EPB41: variants seen among roughly 807,000 people sequenced by gnomAD.
EPB41 encodes protein 4.1.
A neutral mutation model predicts 108.0 loss-of-function variants in EPB41; 65 were observed. The ratio of observed to expected loss-of-function variants is 0.60; its 90% CI spans 0.49 to 0.74. The LOEUF (loss-of-function observed/expected upper bound fraction) is 0.74. Ranked by LOEUF, EPB41 falls within the 30% of genes least tolerant of loss-of-function variation. EPB41 has a pLI of 0.00. For synonymous variants in EPB41, 336 were observed against 358.9 expected, an observed-to-expected ratio of 0.94 and a Z score of 0.72; for missense variants, 875 against 1,037.0, an observed-to-expected ratio of 0.84 and a Z score of 2.15.
At chr1:28,900,032 C>T (rs969121838) in intron 1 of EPB41, among the ~76,000 whole-genome samples, 2 of 152,048 alleles carry the variant, frequency 1.3e-5, no homozygotes, top group Non-Finnish European at 2.9e-5. Context: ...GTACTCAGTC[C>T]GTAGCTGACA....
chr1:29,088,088 A>C (rs1296564380), intron 16 of EPB41, among the ~76,000 whole-genome samples: 1 of 133,914 alleles, frequency 7.5e-6, no homozygotes, highest in Non-Finnish European at 1.5e-5. Flanking sequence ...CTCCTGTCGC[A>C]CAAGCTGGAG....
intron 1 of EPB41, among the ~76,000 whole-genome samples, chr1:28,918,193 A>T (rs2092821820): frequency 6.6e-6 from 1 of 152,074 alleles, no homozygotes. Context: ...CTGGGACTAC[A>T]GGCACACACC....
chr1:28,915,349 G>T (rs959416792), intron 1 of EPB41, among the ~76,000 whole-genome samples: 1 of 152,124 alleles, frequency 6.6e-6, no homozygotes, highest in Non-Finnish European at 1.5e-5. Flanking sequence ...TATTCTCTCA[G>T]CGTCGTGACC....
At chr1:29,003,907 C>T (rs1219668397) in intron 4 of EPB41, among the ~76,000 whole-genome samples, 1 of 152,098 alleles carries the variant, frequency 6.6e-6, no homozygotes, top group African/African-American at 2.4e-5. Context: ...GGATTACAGG[C>T]GCCCACCACC....
intron 1 of EPB41, among the ~76,000 whole-genome samples, chr1:28,903,792 G>A (rs1280636402): frequency 6.6e-6 from 1 of 152,140 alleles, no homozygotes; most frequent in South Asian, 2.1e-4. Flanking sequence ...GCCTGGACTC[G>A]CATAGCATCT....
At chr1:28,998,004 A>T (rs2096221034) in intron 4 of EPB41, among the ~76,000 whole-genome samples, 1 of 152,224 alleles carries the variant, frequency 6.6e-6, no homozygotes, top group South Asian at 2.1e-4. Flanking sequence ...GTCCAGTTTA[A>T]CAAGTATTTG....
Position 29,064,992 on chromosome 1 carries a change from A to T in EPB41, c.2018A>T (p.Lys673Met), listed in dbSNP as rs767844269. 10 of 1,613,970 alleles carry T rather than the reference A, an allele frequency of 6.2e-6. No individual in the cohort carries two copies. Among genetic ancestry groups the T allele is most frequent in the Admixed American group, 1.7e-5 (1 of 60,008 alleles). The part of the protein sequence containing the change: ...HSNLMLEDLD[K>M]SQEEIKKHHA... ...TCCTTTCAACTGTAGGATTTAGACA[A>T]GAGTCAAGAGGAGATCAAAAAACAT... Residue 673 changes from lysine to methionine, a missense_variant, in exon 16 of 21, where the codon AAG becomes ATG. By Grantham distance (95) the Lys-to-Met change is moderately conservative. Coordinates refer to ENST00000343067, the MANE Select transcript of EPB41 (RefSeq NM_001376013.1).
chr1:29,106,278 G>C (rs1225328813), intron 17 of EPB41, among the ~76,000 whole-genome samples: 2 of 152,126 alleles, frequency 1.3e-5, no homozygotes, highest in Non-Finnish European at 1.5e-5. Flanking sequence ...GGTAGATAAA[G>C]ATAGAGTCAC....
chr1:28,962,861 G>T (rs1415451440), intron 1 of EPB41, among the ~76,000 whole-genome samples: 1 of 152,054 alleles, frequency 6.6e-6, no homozygotes, highest in Admixed American at 6.6e-5. Context: ...TGGGTGTGGG[G>T]TTCTCTCTCA....
intron 1 of EPB41, chr1:28,891,146 T>A: frequency 5.1e-6 from 1 of 197,190 alleles, no homozygotes; most frequent in Non-Finnish European, 9.2e-6. Flanking sequence ...CTTGGGTATG[T>A]GGCCAACTTT....
intron 1 of EPB41, among the ~76,000 whole-genome samples, chr1:28,970,535 G>T (rs1168085147): frequency 6.6e-6 from 1 of 152,158 alleles, no homozygotes; most frequent in African/African-American, 2.4e-5. Flanking sequence ...AGCATTTTAT[G>T]TGTGGTTCTC....
At chr1:28,969,589 C>T (rs181630091) in intron 1 of EPB41, among the ~76,000 whole-genome samples, 1,605 of 151,036 alleles carry the variant, frequency 0.011, 16 homozygotes, top group Non-Finnish European at 0.019. Flanking sequence ...CACGGTGAAA[C>T]CCCGTCTGTA....
intron 5 of EPB41, 30 bp from the exon 6 acceptor site, chr1:29,015,662 C>T (rs748674481): frequency 1.6e-5 from 22 of 1,348,844 alleles, no homozygotes; most frequent in Admixed American, 1.0e-4. Context: ...TAGGTATAAA[C>T]GTAAAATTCT....
intron 1 of EPB41, among the ~76,000 whole-genome samples, chr1:28,922,741 C>T (rs762400351): frequency 2.0e-5 from 3 of 151,856 alleles, no homozygotes; most frequent in Non-Finnish European, 4.4e-5. Context: ...AATTCTTCTG[C>T]CTCAGCCTCC....
Position 29,058,859 on chromosome 1 carries a change from C to T in EPB41, c.1944+7C>T, listed in dbSNP as rs1412544667. The T allele has an allele frequency of 6.4e-6, 10 of 1,550,770 alleles. No homozygotes were observed. The highest frequency in any genetic ancestry group is 8.7e-6 in the Non-Finnish European group (10 of 1,146,306). ...TCTGATAAGAATGAGGAAGGTTAGC[C>T]ATTTTTCACTTTCACAAAACTACAT... On this transcript the variant is annotated splice_region_variant and intron_variant, in intron 14 of 20. Coordinates refer to ENST00000343067, the MANE Select transcript of EPB41 (RefSeq NM_001376013.1).
In EPB41 at chr1:28,993,218, A is replaced by G. The variant is rs190046788; in HGVS notation, c.469-112A>G. ...AAAATATTTAATATTAATGTCACCT[A>G]TATTTGTTTTAGTTCATGCTTTTAT... On this transcript the variant is annotated intron_variant, in intron 2 of 20. Coordinates refer to ENST00000343067, the MANE Select transcript of EPB41 (RefSeq NM_001376013.1). The G allele has an allele frequency of 7.2e-6, 6 of 836,584 alleles. No individual in the cohort carries two copies. The South Asian group carries it at 7.3e-5, about 10-fold the overall frequency. 51.8% of individuals were successfully genotyped at this position (836,584 alleles called of 1,614,324 possible).
chr1:29,061,886 T>G (rs530418341), intron 15 of EPB41, among the ~76,000 whole-genome samples: 1 of 152,228 alleles, frequency 6.6e-6, no homozygotes, highest in African/African-American at 2.4e-5. Flanking sequence ...AACCTAAACT[T>G]TAAAAACTAG....
At chr1:28,992,561 C>T (rs535747927) in intron 2 of EPB41, among the ~76,000 whole-genome samples, 24 of 152,178 alleles carry the variant, frequency 1.6e-4, no homozygotes, top group Admixed American at 6.5e-4. Flanking sequence ...TGGTGGCGGG[C>T]GCCTGTAGTC....
chr1:28,942,587 C>T (rs929207139), intron 1 of EPB41, among the ~76,000 whole-genome samples: 2 of 152,266 alleles, frequency 1.3e-5, no homozygotes, highest in African/African-American at 4.8e-5. Flanking sequence ...CACCAACCTC[C>T]ACGATCTTAC....
Sources: gnomAD v4.1 joint callset for allele counts (sites outside exome capture counted in the v4.1 genomes callset) on GRCh38, gnomAD v4.1.1 for gene constraint, MANE v1.5 for transcripts, NCBI Gene and HGNC (gene_info 2026-07-23, HGNC 2026-07-21) for gene names.